GHR: variants seen among roughly 807,000 people sequenced by gnomAD.
The protein encoded by GHR is GH receptor.
A neutral mutation model predicts 67.1 loss-of-function variants in GHR; 35 were observed. The ratio of observed to expected loss-of-function variants is 0.52; its 90% CI spans 0.40 to 0.69. The LOEUF is 0.69. GHR is among the 30% of genes least tolerant of loss of function. GHR has a pLI of 0.00. For synonymous variants in GHR, 272 were observed against 269.1 expected, an observed-to-expected ratio of 1.01 and a Z score of -0.10; for missense variants, 792 against 764.6, an observed-to-expected ratio of 1.04 and a Z score of -0.42.
At chr5:42,633,086 C>T (rs1327258461) in intron 3 of GHR, among the ~76,000 whole-genome samples, 1 of 152,072 alleles carries the variant, frequency 6.6e-6, no homozygotes, top group Non-Finnish European at 1.5e-5. Context: ...TTCTTAAACA[C>T]ATATAGAGAA....
intron 1 of GHR, among the ~76,000 whole-genome samples, chr5:42,495,785 C>A (rs1746298427): frequency 6.6e-6 from 1 of 152,114 alleles, no homozygotes; most frequent in African/African-American, 2.4e-5. Flanking sequence ...ATCTCAGATG[C>A]ATTTAGCTCT....
chr5:42,508,990 A>T (rs1474543818), intron 1 of GHR, among the ~76,000 whole-genome samples: 4 of 152,222 alleles, frequency 2.6e-5, no homozygotes, highest in Admixed American at 2.6e-4. Context: ...ATGGGTGGTT[A>T]TTTGCTACTT....
chr5:42,713,771 A>T (rs577810703), intron 8 of GHR: 12 of 418,370 alleles, frequency 2.9e-5, no homozygotes, highest in Non-Finnish European at 5.3e-5. Context: ...TAGGCTGGTG[A>T]CTATGCATAC....
intron 8 of GHR, 123 bp from the exon 9 acceptor site, chr5:42,717,929 T>C (rs139155430): frequency 1.1e-4 from 75 of 661,582 alleles, no homozygotes; most frequent in Middle Eastern, 1.0e-3. Context: ...ACTCCAATTA[T>C]ATAAAGTACC....
At chr5:42,578,639 C>T (rs757343534) in intron 2 of GHR, among the ~76,000 whole-genome samples, 2 of 152,106 alleles carry the variant, frequency 1.3e-5, no homozygotes, top group Non-Finnish European at 2.9e-5. Flanking sequence ...CAGGAATTAC[C>T]AATTAACTAA....
chr5:42,561,627 C>T (rs377413856), intron 1 of GHR, among the ~76,000 whole-genome samples: 1 of 152,172 alleles, frequency 6.6e-6, no homozygotes, highest in African/African-American at 2.4e-5. Flanking sequence ...CTGCATTACG[C>T]TGGTTTTGAA....
At chr5:42,667,499 G>C (rs759725163) in intron 3 of GHR, among the ~76,000 whole-genome samples, 2 of 152,124 alleles carry the variant, frequency 1.3e-5, no homozygotes, top group African/African-American at 2.4e-5. Flanking sequence ...CTGCACATTA[G>C]AATCACCTGG....
At chr5:42,427,140 A>G (rs74567257) in intron 1 of GHR, among the ~76,000 whole-genome samples, 92 of 152,318 alleles carry the variant, frequency 6.0e-4, no homozygotes, top group African/African-American at 2.2e-3. Context: ...TTCATCCACT[A>G]TAGGGTTCCA....
chr5:42,514,994 C>G (rs1747176987), intron 1 of GHR: 1 of 133,504 alleles, frequency 7.5e-6, no homozygotes, highest in Admixed American at 7.7e-5. Context: ...ATCAGGAGCA[C>G]AGACTGAATT....
At chr5:42,669,919 GAATT>G (rs1189045874) in intron 3 of GHR, among the ~76,000 whole-genome samples, 1 of 152,110 alleles carries the variant, frequency 6.6e-6, no homozygotes, top group Non-Finnish European at 1.5e-5. Context: ...TGGATTGGAA[GAATT>G]AATATTGTTA....
intron 3 of GHR, among the ~76,000 whole-genome samples, chr5:42,649,793 G>C (rs1561196774): frequency 6.6e-6 from 1 of 152,328 alleles, no homozygotes; most frequent in South Asian, 2.1e-4. Context: ...CCTGGGCATA[G>C]AGTGGGGTGA....
intron 3 of GHR, among the ~76,000 whole-genome samples, chr5:42,665,200 G>A (rs1253914517): frequency 3.9e-5 from 6 of 152,040 alleles, no homozygotes; most frequent in South Asian, 2.1e-4. Flanking sequence ...CGATTCCTCA[G>A]GGATCTAGAA....
At chr5:42,512,192 G>A (rs181566764) in intron 1 of GHR, among the ~76,000 whole-genome samples, 2 of 152,244 alleles carry the variant, frequency 1.3e-5, no homozygotes, top group East Asian at 1.9e-4. Context: ...TCCCTCTGGT[G>A]CTGGACAAGG....
In GHR at chr5:42,655,669, T is replaced by C. The variant is rs150100730; in HGVS notation, c.136+26566T>C. Among the ~76,000 whole-genome samples, 26 of 152,208 alleles carry C rather than the reference T, an allele frequency of 1.7e-4. 1 individual carries two copies. Among genetic ancestry groups the C allele is most frequent in the South Asian group, 1.0e-3 (5 of 4,822 alleles). ...AATATATTCTGTTCATTGTCAAACA[T>C]AAAATATATATAAATTTGGTTTAAT... On this transcript the variant is annotated intron_variant, in intron 3 of 9. Transcript: ENST00000230882.
intron 1 of GHR, among the ~76,000 whole-genome samples, chr5:42,512,723 A>C (rs561569189): frequency 6.6e-6 from 1 of 152,182 alleles, no homozygotes; most frequent in South Asian, 2.1e-4. Context: ...ACACTTGACT[A>C]TCAGGCTGCC....
intron 1 of GHR, among the ~76,000 whole-genome samples, chr5:42,446,241 G>C (rs1743800427): frequency 6.6e-6 from 1 of 152,226 alleles, no homozygotes; most frequent in Non-Finnish European, 1.5e-5. Flanking sequence ...ACTCGCTACA[G>C]TGGGAGGAGT....
Position 42,699,959 on chromosome 5 carries a change from A to T in GHR, c.575A>T (p.Tyr192Phe). ...DIQKGWMVLE[Y>F]ELQYKEVNET... The stretch of plus-strand genomic sequence containing the variant: ...CAGAAAGGATGGATGGTTCTGGAGT[A>T]TGAACTTCAATACAAAGAAGTAAAT... Residue 192 changes from tyrosine (Y) to phenylalanine (F), a missense_variant, in exon 6 of 10, where the codon TAT becomes TTT. Coordinates refer to ENST00000230882, the MANE Select transcript of GHR (RefSeq NM_000163.5). The T allele has an allele frequency of 3.7e-6, 6 of 1,602,700 alleles. No homozygotes were observed. Among genetic ancestry groups the T allele is most frequent in the Non-Finnish European group, 5.1e-6 (6 of 1,169,736 alleles).
chr5:42,535,866 T>C (rs984980943), intron 1 of GHR, among the ~76,000 whole-genome samples: 3 of 152,162 alleles, frequency 2.0e-5, no homozygotes, highest in African/African-American at 7.2e-5. Context: ...TGTCAAGGTC[T>C]TTCAACTCTT....
chr5:42,702,135 C>T (rs1443894053), intron 6 of GHR, among the ~76,000 whole-genome samples: 1 of 152,010 alleles, frequency 6.6e-6, no homozygotes, highest in Admixed American at 6.6e-5. Context: ...CCATTTTGCA[C>T]AATAGATTTC....
Sources: allele counts gnomAD v4.1 joint callset (sites outside exome capture counted in the v4.1 genomes callset), GRCh38; gene constraint gnomAD v4.1.1; transcripts MANE v1.5; gene names NCBI Gene and HGNC (gene_info 2026-07-23, HGNC 2026-07-21).